Variants in MAGI1 observed in about 807,000 individuals in gnomAD.
MAGI1 encodes membrane-associated guanylate kinase, WW and PDZ domain-containing protein 1.
MAGI1 carries 58 observed loss-of-function variants against 139.9 expected under a neutral mutation model. The ratio of observed to expected loss-of-function variants is 0.41; its 90% CI spans 0.34 to 0.52. The LOEUF (loss-of-function observed/expected upper bound fraction) is 0.52. MAGI1 is among the 20% of genes least tolerant of loss of function. The pLI is 0.12. For missense variants in MAGI1, 1,874 were observed against 1,901.6 expected (o/e 0.99, Z 0.27); for synonymous variants, 812 against 737.9 (o/e 1.10, Z -1.63).
intron 1 of MAGI1, among the ~76,000 whole-genome samples, chr3:65,694,948 C>T (rs1276329174): frequency 6.6e-6 from 1 of 152,088 alleles, no homozygotes; most frequent in East Asian, 1.9e-4. Context: ...TAGCCACTAC[C>T]ACATTCAGGT....
chr3:66,023,187 T>A (rs958244298), intron 1 of MAGI1, among the ~76,000 whole-genome samples: 1 of 152,148 alleles, frequency 6.6e-6, no homozygotes, highest in African/African-American at 2.4e-5. Context: ...ATATCCTATC[T>A]AAAATTTGAA....
intron 1 of MAGI1, among the ~76,000 whole-genome samples, chr3:65,897,234 A>T (rs555802609): frequency 6.6e-6 from 1 of 152,068 alleles, no homozygotes; most frequent in African/African-American, 2.4e-5. Flanking sequence ...GTTCTGTAAT[A>T]AACATGTACC....
At chr3:66,034,554 C>T (rs557598853) in intron 1 of MAGI1, among the ~76,000 whole-genome samples, 92 of 152,196 alleles carry the variant, frequency 6.0e-4, no homozygotes, top group Non-Finnish European at 1.1e-3. Flanking sequence ...TACATTTTTC[C>T]GAAGCATATA....
chr3:65,460,762 T>C (rs899725279), intron 5 of MAGI1, among the ~76,000 whole-genome samples: 2 of 152,096 alleles, frequency 1.3e-5, no homozygotes, highest in Admixed American at 6.6e-5. Flanking sequence ...TATGTCCTCA[T>C]TGTTCAACTC....
intron 2 of MAGI1, among the ~76,000 whole-genome samples, chr3:65,580,328 T>C (rs1438575475): frequency 5.3e-5 from 8 of 151,898 alleles, no homozygotes; most frequent in Non-Finnish European, 7.4e-5. Flanking sequence ...CTTTTTTTTT[T>C]CTTGGCCAAG....
intron 1 of MAGI1, among the ~76,000 whole-genome samples, chr3:65,797,681 A>C (rs184049037): frequency 9.2e-5 from 14 of 152,210 alleles, no homozygotes; most frequent in Non-Finnish European, 2.1e-4. Flanking sequence ...ACACCACTGC[A>C]CTCCAGCTTG....
chr3:65,407,218 A>T (rs1945408827), intron 12 of MAGI1, among the ~76,000 whole-genome samples: 1 of 152,084 alleles, frequency 6.6e-6, no homozygotes. Context: ...AGGCTGAGGC[A>T]AGTGGATCAC....
At chr3:65,712,496 GTTTTGT>G (rs1353100897) in intron 1 of MAGI1, among the ~76,000 whole-genome samples, 30 of 150,490 alleles carry the variant, frequency 2.0e-4, no homozygotes, top group African/African-American at 6.8e-4. Flanking sequence ...ATAAAATTGT[GTTTTGT>G]TTTTGTTTTT....
chr3:65,669,228 C>T (rs2086707599), intron 1 of MAGI1, among the ~76,000 whole-genome samples: 1 of 152,074 alleles, frequency 6.6e-6, no homozygotes, highest in South Asian at 2.1e-4. Flanking sequence ...AATGGGTGTC[C>T]CTTACAGACT....
At chr3:65,766,260 C>T (rs2037464595) in intron 1 of MAGI1, among the ~76,000 whole-genome samples, 1 of 152,170 alleles carries the variant, frequency 6.6e-6, no homozygotes, top group Admixed American at 6.6e-5. Flanking sequence ...GCTAAGGCTA[C>T]ATTCAATGTA....
chr3:65,493,749 C>A lies in MAGI1; in HGVS notation c.431-118G>T, dbSNP rs901215819. The stretch of plus-strand genomic sequence containing the variant: ...AGAGGGCGTACCTAAGACTCTGCTG[C>A]CTCATCTGTCCAGACAGGGACACAG... On this transcript the variant is annotated intron_variant, in intron 2 of 22. Coordinates refer to ENST00000402939, the MANE Select transcript of MAGI1 (RefSeq NM_001033057.2). 1.5e-5 allele frequency: 17 copies of A among 1,147,778 alleles called. No homozygotes were observed. The Admixed American group carries it at 2.3e-4, about 16-fold the overall frequency. The allele number at this position is 1,147,778 out of a possible 1,614,324, so 71.1% of individuals were successfully genotyped here. A position where few individuals can be genotyped will look rare whatever the true frequency, so the allele number is the denominator to read the frequency against.
At chr3:65,679,336 C>T (rs2087414448) in intron 1 of MAGI1, among the ~76,000 whole-genome samples, 1 of 152,152 alleles carries the variant, frequency 6.6e-6, no homozygotes, top group African/African-American at 2.4e-5. Flanking sequence ...AGAGCTATAG[C>T]TGACATTTCC....
At chr3:65,719,387 T>G (rs1057130374) in intron 1 of MAGI1, among the ~76,000 whole-genome samples, 1 of 151,842 alleles carries the variant, frequency 6.6e-6, no homozygotes, top group African/African-American at 2.4e-5. Flanking sequence ...TGTATATATA[T>G]TTTAAATTAA....
intron 2 of MAGI1, among the ~76,000 whole-genome samples, chr3:65,556,269 C>G (rs1434508415): frequency 6.6e-6 from 1 of 152,182 alleles, no homozygotes; most frequent in Non-Finnish European, 1.5e-5. Context: ...TAGCTACTTA[C>G]ACAAATTAAA....
intron 22 of MAGI1, chr3:65,360,080 T>A (rs777066758): frequency 1.0e-6 from 1 of 985,216 alleles, no homozygotes. Context: ...CCCCTCGTAT[T>A]TTGCACCTGT....
chr3:65,477,277 T>C (rs1337985612), intron 4 of MAGI1, among the ~76,000 whole-genome samples: 2 of 152,190 alleles, frequency 1.3e-5, no homozygotes, highest in African/African-American at 2.4e-5. Flanking sequence ...GTGAGGCCCA[T>C]ACAGGTTGCA....
chr3:65,363,401 A>G (rs1941087126), intron 21 of MAGI1, 64 bp downstream of exon 21: 1 of 1,519,800 alleles, frequency 6.6e-7, no homozygotes, highest in African/African-American at 1.4e-5. Flanking sequence ...TTCTAACCAT[A>G]TATGACAAGA....
intron 5 of MAGI1, among the ~76,000 whole-genome samples, chr3:65,466,884 G>A (rs1330255490): frequency 7.2e-5 from 11 of 152,334 alleles, no homozygotes; most frequent in East Asian, 3.9e-4. Flanking sequence ...CCCTTGGGGC[G>A]TAGGACCACA....
chr3:65,938,607 A>G (rs999177156), intron 1 of MAGI1, among the ~76,000 whole-genome samples: 2 of 152,096 alleles, frequency 1.3e-5, no homozygotes, highest in Admixed American at 6.6e-5. Flanking sequence ...GACAATTTAA[A>G]GCCCAGAATA....
Sources: allele counts gnomAD v4.1 joint callset (sites outside exome capture counted in the v4.1 genomes callset), GRCh38; gene constraint gnomAD v4.1.1; transcripts MANE v1.5; gene names NCBI Gene and HGNC (gene_info 2026-07-23, HGNC 2026-07-21).